DENND2B: variants seen among roughly 807,000 people sequenced by gnomAD.
The protein encoded by DENND2B is DENN domain containing 2B.
DENND2B carries 32 observed loss-of-function variants against 116.0 expected under a neutral mutation model. That is an observed-to-expected ratio of 0.28 (90% confidence interval 0.21 to 0.37). DENND2B has a LOEUF of 0.37. DENND2B is among the 10% of genes least tolerant of loss of function. DENND2B has a pLI of 1.00. For missense variants in DENND2B, 1,276 were observed against 1,477.7 expected, an observed-to-expected ratio of 0.86 and a Z score of 2.24; for synonymous variants, 588 against 583.9, an observed-to-expected ratio of 1.01 and a Z score of -0.10.
At chr11:8,801,121 A>C (rs2060271401) in intron 1 of DENND2B, among the ~76,000 whole-genome samples, 1 of 151,746 alleles carries the variant, frequency 6.6e-6, no homozygotes, top group African/African-American at 2.4e-5. Context: ...TGGGTCTGCC[A>C]TGTCCCTATC....
chr11:8,800,623 C>G (rs768768640), intron 1 of DENND2B, among the ~76,000 whole-genome samples: 3 of 152,194 alleles, frequency 2.0e-5, no homozygotes, highest in Non-Finnish European at 2.9e-5. Context: ...CTATTCTGCC[C>G]TAGGCCTGTC....
In DENND2B at chr11:8,750,605, G is replaced by A. The variant is rs1288081443; in HGVS notation, c.80+16C>T. The A allele has an allele frequency of 5.0e-6, 8 of 1,611,084 alleles. No homozygotes were observed. Among genetic ancestry groups the A allele is most frequent in the Non-Finnish European group, 6.8e-6 (8 of 1,177,452 alleles). ...GGTCCCTTGATGCCACCTCCCACAA[G>A]TGCTCCCTTACCCACCTGCTCAGAG... On this transcript the variant is annotated intron_variant, in intron 2 of 19. Coordinates refer to ENST00000313726, the MANE Select transcript of DENND2B (RefSeq NM_213618.2).
chr11:8,728,785 C>T (rs527751068), intron 3 of DENND2B, among the ~76,000 whole-genome samples: 1 of 152,336 alleles, frequency 6.6e-6, no homozygotes, highest in African/African-American at 2.4e-5. Flanking sequence ...ATCTGTGCAC[C>T]AGACCACGAA....
chr11:8,711,179 A>G lies in DENND2B; in HGVS notation c.2225T>C (p.Ile742Thr), dbSNP rs1291768908. The change falls in exon 10 of 20, where the codon ATT (isoleucine) becomes ACT (threonine). Residue 742 changes from isoleucine to threonine, a missense_variant. Around this residue, in one of 2 missense-constraint regions of DENND2B, gnomAD observed 420 missense variants for 631.1 expected, o/e 0.67. Coordinates refer to ENST00000313726, the MANE Select transcript of DENND2B (RefSeq NM_213618.2). ...GGCATCAGGGAAGCAAAACTGGGGA[A>G]TGGCTTTGAGCCTTTCCTCTGCCTC... is the stretch of plus-strand genomic sequence containing the variant. Reference protein sequence around the residue: ...MREAEERLKAIPQFCFPDAKD... With the variant: ...MREAEERLKATPQFCFPDAKD... 1.2e-6 allele frequency: 2 copies of G among 1,614,166 alleles called. No individual in the cohort carries two copies. Among genetic ancestry groups the G allele is most frequent in the South Asian group, 2.2e-5 (2 of 91,084 alleles).
At position 8,807,545 on chromosome 11, in the gene DENND2B, T is replaced by G. The variant is rs141557635; in HGVS notation, c.-26+2972A>C. Among the ~76,000 whole-genome samples the G allele has an allele frequency of 6.6e-5, 10 of 152,312 alleles. No individual in the cohort carries two copies. The East Asian group carries it at 1.9e-3, about 29-fold the overall frequency. On this transcript the variant is annotated intron_variant, in intron 1 of 19. Coordinates refer to ENST00000313726, the MANE Select transcript of DENND2B (RefSeq NM_213618.2). ...CTGTTCTCCAGTGTATTTCAAAGTT[T>G]CATCTTCCCGGGGTGACTGATATCT...
At position 8,761,698 on chromosome 11, in the gene DENND2B, C is replaced by T. The variant is rs181811255; in HGVS notation, c.-25-10973G>A. ...TCTCACCCTTCCCACGCTCTCTGGT[C>T]TAGCTGAGCTCAACCTGACTGATGG... On this transcript the variant is annotated intron_variant, in intron 1 of 19. Coordinates refer to ENST00000313726, the MANE Select transcript of DENND2B (RefSeq NM_213618.2). Among the ~76,000 whole-genome samples, 8 of 152,312 alleles carry T rather than the reference C, an allele frequency of 5.3e-5. No individual in the cohort carries two copies. In the East Asian group the frequency reaches 1.5e-3, roughly 29 times the overall value.
At chr11:8,840,294 C>T (rs1281767804) in intron 3 of DENND2B, among the ~76,000 whole-genome samples, 3 of 152,134 alleles carry the variant, frequency 2.0e-5, no homozygotes, top group Non-Finnish European at 4.4e-5. Context: ...TTTCTGTTCC[C>T]AGGCACTCAG....
In DENND2B at chr11:8,782,886, CA is replaced by C. The variant is rs66930048; in HGVS notation, c.-26+27630del. On this transcript the variant is annotated intron_variant, in intron 1 of 19. Coordinates refer to ENST00000313726, the MANE Select transcript of DENND2B (RefSeq NM_213618.2). Reference sequence around the variant, plus strand: ...TGGGCAACAGTGTGAGACTCTGTCTCAAAAAAAAAAAAAAAAAAAAGATATT... The same window carrying C: ...TGGGCAACAGTGTGAGACTCTGTCTCAAAAAAAAAAAAAAAAAAAGATATT... Among the ~76,000 whole-genome samples the C allele has an allele frequency of 2.3e-3, 228 of 98,840 alleles. 1 individual carries two copies. The highest frequency in any genetic ancestry group is 6.5e-3 in the African/African-American group (149 of 23,064). 64.8% of individuals were successfully genotyped at this position (98,840 alleles called of 152,430 possible). A position where few individuals can be genotyped will look rare whatever the true frequency, so the allele number is the denominator to read the frequency against.
chr11:8,875,487 G>A (rs898787950), upstream of DENND2B, among the ~76,000 whole-genome samples: 7 of 151,120 alleles, frequency 4.6e-5, no homozygotes, highest in African/African-American at 1.5e-4. Flanking sequence ...CTGGAGTGCA[G>A]TGGCACAATC....
intron 13 of DENND2B, among the ~76,000 whole-genome samples, chr11:8,705,913 C>T (rs1295445979): frequency 6.6e-6 from 1 of 152,264 alleles, no homozygotes; most frequent in Non-Finnish European, 1.5e-5. Context: ...CGTTTTCACT[C>T]CGACCATTAT....
chr11:8,764,518 T>A (rs2055269030), intron 1 of DENND2B, among the ~76,000 whole-genome samples: 1 of 152,188 alleles, frequency 6.6e-6, no homozygotes, highest in South Asian at 2.1e-4. Context: ...TGCCTAGCGT[T>A]TCATAAGCAG....
chr11:8,720,910 C>CTGAATGGGAGATTCAGCAGGGGCA (rs2046052811), intron 4 of DENND2B, among the ~76,000 whole-genome samples: 1 of 152,146 alleles, frequency 6.6e-6, no homozygotes, highest in Non-Finnish European at 1.5e-5. Context: ...GGAGCTAAGG[C>CTGAATGGGAGATTCAGCAGGGGCA]TGAATGGGAG....
At chr11:8,716,845 A>G (rs1438951119) in intron 5 of DENND2B, among the ~76,000 whole-genome samples, 1 of 152,010 alleles carries the variant, frequency 6.6e-6, no homozygotes, top group Non-Finnish European at 1.5e-5. Context: ...ATGAGGTTTC[A>G]CTGGCCAGGC....
chr11:8,810,963 T>G (rs1225370520), upstream of DENND2B: 5 of 238,452 alleles, frequency 2.1e-5, no homozygotes, highest in Non-Finnish European at 4.0e-5. Flanking sequence ...GGGAACTTGC[T>G]TGAACAGCTC....
At chr11:8,728,805 T>C (rs1224984262) in intron 3 of DENND2B, among the ~76,000 whole-genome samples, 6 of 152,240 alleles carry the variant, frequency 3.9e-5, no homozygotes, top group Admixed American at 3.9e-4. Context: ...AGTCCTTGAA[T>C]GGAAGAACCA....
At chr11:8,856,881 GT>G (rs780918224) in intron 3 of DENND2B, among the ~76,000 whole-genome samples, 3 of 151,792 alleles carry the variant, frequency 2.0e-5, no homozygotes, top group Non-Finnish European at 4.4e-5. Context: ...AGCCTCCCGA[GT>G]AGCTAGGACT....
At chr11:8,843,660 T>C (rs2062704887) in intron 3 of DENND2B, among the ~76,000 whole-genome samples, 1 of 152,166 alleles carries the variant, frequency 6.6e-6, no homozygotes, top group Admixed American at 6.5e-5. Flanking sequence ...CCTCCTCTCA[T>C]ACGGAATACA....
At chr11:8,814,864 A>T (rs761410544), upstream of DENND2B, among the ~76,000 whole-genome samples, 6 of 152,248 alleles carry the variant, frequency 3.9e-5, no homozygotes, top group Non-Finnish European at 8.8e-5. Flanking sequence ...AACTTAGAGC[A>T]GCTATTTCAT....
intron 4 of DENND2B, chr11:8,831,881 A>G (rs1368177259): frequency 1.3e-5 from 2 of 152,152 alleles, no homozygotes; most frequent in South Asian, 2.1e-4. Context: ...AAACCTGGTA[A>G]GGATGGTAAT....
Sources: allele counts gnomAD v4.1 joint callset (sites outside exome capture counted in the v4.1 genomes callset), GRCh38; gene constraint gnomAD v4.1.1; regional missense constraint gnomAD v4.1.1; transcripts MANE v1.5; gene names NCBI Gene and HGNC (gene_info 2026-07-23, HGNC 2026-07-21).